Variants in STYXL2 observed in about 807,000 individuals in gnomAD.
The protein encoded by STYXL2 is serine/threonine/tyrosine interacting like 2.
In STYXL2, 44 loss-of-function variants were observed where a neutral mutation model predicts 52.4. The observed-to-expected ratio is 0.84, with a 90% CI of 0.66 to 1.08. The LOEUF (loss-of-function observed/expected upper bound fraction) is 1.08, where lower values mean the gene tolerates loss of function less well. STYXL2 is among the 50% of genes least tolerant of loss of function. The pLI is 0.00. For synonymous variants in STYXL2, 604 were observed against 586.9 expected (o/e 1.03, Z -0.42); for missense variants, 1,604 against 1,471.7 (o/e 1.09, Z -1.47).
chr1:167,095,969 C>A (rs761747999), intron 2 of STYXL2, among the ~76,000 whole-genome samples: 8 of 152,120 alleles, frequency 5.3e-5, no homozygotes, highest in Non-Finnish European at 1.0e-4. Flanking sequence ...CAGGGCACTT[C>A]GCCCAAATGG....
At chr1:167,109,743 C>T (rs150086987) in intron 2 of STYXL2, among the ~76,000 whole-genome samples, 48 of 152,278 alleles carry the variant, frequency 3.2e-4, no homozygotes, top group Non-Finnish European at 5.7e-4. Context: ...GAAGGTGCCA[C>T]CTCCTGGCTG....
At position 167,127,694 on chromosome 1, in the gene STYXL2, A is replaced by G. The variant is rs267746; in HGVS notation, c.2563A>G (p.Lys855Glu). The G allele has an allele frequency of 5.6e-6, 9 of 1,613,740 alleles. No individual in the cohort carries two copies. The highest frequency in any genetic ancestry group is 7.6e-6 in the Non-Finnish European group (9 of 1,179,964). The change falls in exon 6 of 6, where the codon AAA becomes GAA. Residue 855 changes from lysine to glutamate, a missense_variant. Physicochemically the swap from Lys to Glu is moderately conservative, Grantham distance 56. Transcript: ENST00000361200. ...MELREKMSEYKMEKLASDNKR... is the reference protein window; with the variant it reads ...MELREKMSEYEMEKLASDNKR... ...GCTTAGGGAGAAGATGTCTGAGTAC[A>G]AAATGGAAAAGCTGGCCTCAGACAA...
intron 2 of STYXL2, among the ~76,000 whole-genome samples, chr1:167,105,177 G>GT (rs1439082370): frequency 8.9e-6 from 1 of 112,784 alleles, no homozygotes; most frequent in African/African-American, 4.1e-5. Flanking sequence ...CTTTTTTTCT[G>GT]TTTCCTTTTT....
chr1:167,125,679 C>T (rs1667947299), intron 5 of STYXL2, 108 bp from the exon 6 acceptor site: 2 of 1,427,722 alleles, frequency 1.4e-6, no homozygotes, highest in South Asian at 3.1e-5. Context: ...AAGTAAACAC[C>T]TTAAGTGCAG....
At chr1:167,116,383 G>A (rs927201781) in intron 3 of STYXL2, among the ~76,000 whole-genome samples, 1 of 152,158 alleles carries the variant, frequency 6.6e-6, no homozygotes, top group African/African-American at 2.4e-5. Context: ...GAGAGCTCAT[G>A]GCCAACCTTT....
intron 2 of STYXL2, among the ~76,000 whole-genome samples, chr1:167,095,464 T>C (rs528103118): frequency 1.1e-4 from 16 of 152,278 alleles, no homozygotes; most frequent in African/African-American, 3.9e-4. Flanking sequence ...TGTGCATGCC[T>C]GGGGCAAGTG....
At chr1:167,097,070 C>T (rs771888360) in intron 2 of STYXL2, among the ~76,000 whole-genome samples, 2 of 152,188 alleles carry the variant, frequency 1.3e-5, no homozygotes, top group Non-Finnish European at 2.9e-5. Flanking sequence ...GAGGAGTCCT[C>T]CTAGATTTGA....
chr1:167,096,918 G>C (rs1011736427), intron 2 of STYXL2, among the ~76,000 whole-genome samples: 4 of 152,046 alleles, frequency 2.6e-5, no homozygotes, highest in Admixed American at 2.6e-4. Context: ...TTCTCCAATG[G>C]GTGTGCATTC....
Position 167,100,226 on chromosome 1 carries a change from C to G in STYXL2, c.110+5267C>G, listed in dbSNP as rs182632620. ...GGTAACTAATCCAGTCCCCCAAGAG[C>G]AAGAACTCATTCCCATGAGAAAAGC... On this transcript the variant is annotated intron_variant, in intron 2 of 5. Coordinates refer to ENST00000361200, the MANE Select transcript of STYXL2 (RefSeq NM_001080426.3). Among the ~76,000 whole-genome samples, 16 of 152,286 alleles carry G rather than the reference C, an allele frequency of 1.1e-4. 1 individual carries two copies. Among genetic ancestry groups the G allele is most frequent in the South Asian group, 6.2e-4 (3 of 4,818 alleles).
intron 2 of STYXL2, among the ~76,000 whole-genome samples, chr1:167,111,699 G>A (rs1313134370): frequency 6.6e-6 from 1 of 151,766 alleles, no homozygotes; most frequent in Admixed American, 6.6e-5. Context: ...AAGGTACGAG[G>A]AGGCAAAGGC....
rs768472213 is a variant in STYXL2 at position 167,095,003 on chromosome 1, G to A, written c.110+44G>A. On this transcript the variant is annotated intron_variant, in intron 2 of 5. Coordinates refer to ENST00000361200, the MANE Select transcript of STYXL2 (RefSeq NM_001080426.3). ...CCCACCCTCACAGCCCCAGCTGGGA[G>A]GGGCTGGGGACAGGTTGGGCCATTA... 3 of 1,491,520 alleles carry A rather than the reference G, an allele frequency of 2.0e-6. No individual in the cohort carries two copies. The South Asian group carries it at 3.6e-5, about 18-fold the overall frequency. The allele number at this position is 1,491,520 out of a possible 1,614,324, so 92.4% of individuals were successfully genotyped here.
chr1:167,102,137 T>TG (rs1203837534), intron 2 of STYXL2, among the ~76,000 whole-genome samples: 1 of 122,404 alleles, frequency 8.2e-6, no homozygotes, highest in Non-Finnish European at 1.7e-5. Context: ...AATGGTTGCC[T>TG]GGGGGGCATA....
intron 5 of STYXL2, among the ~76,000 whole-genome samples, chr1:167,123,253 C>T (rs1667894585): frequency 6.6e-6 from 1 of 152,200 alleles, no homozygotes; most frequent in African/African-American, 2.4e-5. Context: ...CTGAGTCTCA[C>T]CCACCCAGCC....
Position 167,128,089 on chromosome 1 carries a change from G to A in STYXL2, c.2958G>A (p.Glu986=), listed in dbSNP as rs1345187999. 1 of 1,614,242 alleles carries A rather than the reference G, an allele frequency of 6.2e-7. No homozygotes were observed. The highest frequency in any genetic ancestry group is 8.5e-7 in the Non-Finnish European group (1 of 1,180,046). The part of the protein sequence containing the change: ...SSYKFSKSQS[E]EQDTSSYHEA... ...ACAAGTTTTCCAAATCCCAGTCAGA[G>A]GAACAGGACACCTCCTCCTACCACG... Residue 986 remains glutamate, a synonymous_variant, in exon 6 of 6, where the codon GAG becomes GAA. Transcript: ENST00000361200.
intron 2 of STYXL2, among the ~76,000 whole-genome samples, chr1:167,106,408 G>A (rs1667507634): frequency 6.6e-6 from 1 of 152,126 alleles, no homozygotes; most frequent in Non-Finnish European, 1.5e-5. Flanking sequence ...GGAGAAATGT[G>A]GTGCTGTGCA....
intron 2 of STYXL2, among the ~76,000 whole-genome samples, chr1:167,096,004 T>G (rs10800282): frequency 6.6e-6 from 1 of 151,950 alleles, no homozygotes; most frequent in Non-Finnish European, 1.5e-5. Context: ...TCCTTTAAAA[T>G]TCAGCATTAT....
At chr1:167,111,256 T>A (rs1037445426) in intron 2 of STYXL2, among the ~76,000 whole-genome samples, 1 of 151,876 alleles carries the variant, frequency 6.6e-6, no homozygotes, top group South Asian at 2.1e-4. Flanking sequence ...ACAACCACTA[T>A]TGAAAACAGT....
intron 2 of STYXL2, among the ~76,000 whole-genome samples, chr1:167,106,453 A>G (rs1234237110): frequency 6.6e-6 from 1 of 152,232 alleles, no homozygotes; most frequent in African/African-American, 2.4e-5. Flanking sequence ...CAGTAATACA[A>G]TAATTCTCAA....
At chr1:167,108,868 A>C (rs569084736) in intron 2 of STYXL2, among the ~76,000 whole-genome samples, 48 of 152,372 alleles carry the variant, frequency 3.2e-4, no homozygotes, top group African/African-American at 1.1e-3. Flanking sequence ...AGAGGGGGAA[A>C]GTCTGCCTCC....
Sources: gnomAD v4.1 joint callset for allele counts (sites outside exome capture counted in the v4.1 genomes callset) on GRCh38, gnomAD v4.1.1 for gene constraint, MANE v1.5 for transcripts, NCBI Gene and HGNC (gene_info 2026-07-23, HGNC 2026-07-21) for gene names.